Variants in DRC10 observed in about 807,000 individuals in gnomAD.
DRC10 encodes IQ domain-containing protein D.
the DRC10 span, among the ~76,000 whole-genome samples, chr12:113,202,256 G>C: frequency 6.6e-6 from 1 of 151,860 alleles, no homozygotes; most frequent in Non-Finnish European, 1.5e-5. Context: ...GGAGGAGCCA[G>C]ACCCCTCAAG....
chr12:113,207,915 C>A, the DRC10 span: 1 of 1,614,186 alleles, frequency 6.2e-7, no homozygotes, highest in South Asian at 1.1e-5. Flanking sequence ...TGACGTCCTC[C>A]CCCAGCATCC....
the DRC10 span, chr12:113,195,724 C>G: frequency 1.2e-5 from 20 of 1,613,808 alleles, no homozygotes; most frequent in Non-Finnish European, 1.7e-5. Flanking sequence ...GCCGCCCGTA[C>G]CATGCGCACC....
the DRC10 span, among the ~76,000 whole-genome samples, chr12:113,199,643 A>C: frequency 6.6e-6 from 1 of 152,144 alleles, no homozygotes; most frequent in Non-Finnish European, 1.5e-5. Flanking sequence ...TTTACAAGGA[A>C]AGAGATTTGG....
the DRC10 span, chr12:113,207,796 T>G: frequency 6.2e-7 from 1 of 1,614,124 alleles, no homozygotes; most frequent in Non-Finnish European, 8.5e-7. Flanking sequence ...GAGCCACCCT[T>G]CCTCCTCAGC....
the DRC10 span, chr12:113,200,029 G>T: frequency 4.1e-6 from 1 of 242,712 alleles, no homozygotes; most frequent in South Asian, 4.3e-5. Flanking sequence ...GGGATTACAG[G>T]CATGAGCCAC....
chr12:113,210,626 A>G, the DRC10 span, among the ~76,000 whole-genome samples: 1 of 151,534 alleles, frequency 6.6e-6, no homozygotes, highest in Admixed American at 6.6e-5. Context: ...AAAAAAAAAA[A>G]AAGAACACCT....
At chr12:113,216,424 T>C in the DRC10 span, among the ~76,000 whole-genome samples, 1 of 152,090 alleles carries the variant, frequency 6.6e-6, no homozygotes, top group East Asian at 1.9e-4. Flanking sequence ...GCAGTGAAAA[T>C]ACTATGTACC....
the DRC10 span, chr12:113,200,877 G>A: frequency 5.6e-3 from 7,133 of 1,269,920 alleles, 35 homozygotes; most frequent in Middle Eastern, 8.7e-3. Context: ...AGTGGCTCAC[G>A]CCTGTAATCC....
the DRC10 span, chr12:113,197,600 CTTTATATTTCTTCT>C: frequency 6.5e-7 from 1 of 1,528,028 alleles, no homozygotes; most frequent in South Asian, 1.2e-5. Context: ...TCCGTTTCCA[CTTTATATTTCTTCT>C]AGAAAAGATC....
chr12:113,217,633 G>A, the DRC10 span, among the ~76,000 whole-genome samples: 3 of 152,216 alleles, frequency 2.0e-5, no homozygotes, highest in Non-Finnish European at 2.9e-5. Context: ...CCTGGTTCAA[G>A]CAATTCTCGT....
At chr12:113,214,425 G>A in the DRC10 span, among the ~76,000 whole-genome samples, 1 of 144,052 alleles carries the variant, frequency 6.9e-6, no homozygotes, top group African/African-American at 2.6e-5. Context: ...AGAATCACTT[G>A]AACCAGGGAA....
chr12:113,206,507 C>A, the DRC10 span, among the ~76,000 whole-genome samples: 1 of 152,082 alleles, frequency 6.6e-6, no homozygotes, highest in Non-Finnish European at 1.5e-5. Context: ...CTGGACACAG[C>A]AGTAGGGTGG....
chr12:113,218,279 G>A, the DRC10 span, among the ~76,000 whole-genome samples: 2 of 152,038 alleles, frequency 1.3e-5, no homozygotes, highest in Admixed American at 6.6e-5. Context: ...TGGGATTACA[G>A]GCATGCGCCA....
the DRC10 span, among the ~76,000 whole-genome samples, chr12:113,212,009 G>A: frequency 6.6e-6 from 1 of 151,884 alleles, no homozygotes; most frequent in African/African-American, 2.4e-5. Flanking sequence ...AGGCTACAGT[G>A]AGCCATGATC....
At chr12:113,198,910 G>A in the DRC10 span, among the ~76,000 whole-genome samples, 1 of 151,850 alleles carries the variant, frequency 6.6e-6, no homozygotes. Flanking sequence ...GGGCAACAGA[G>A]CAAAACCCTG....
At chr12:113,220,037 G>A in the DRC10 span, among the ~76,000 whole-genome samples, 2 of 152,076 alleles carry the variant, frequency 1.3e-5, no homozygotes, top group African/African-American at 4.8e-5. Context: ...CAAACTCCTG[G>A]CCTCAGGTGA....
the DRC10 span, among the ~76,000 whole-genome samples, chr12:113,213,268 G>A: frequency 6.6e-6 from 1 of 151,342 alleles, no homozygotes; most frequent in Non-Finnish European, 1.5e-5. Flanking sequence ...TCTTAATTTA[G>A]GTTCGGGTTA....
chr12:113,206,593 C>T, the DRC10 span, among the ~76,000 whole-genome samples: 1 of 151,998 alleles, frequency 6.6e-6, no homozygotes, highest in African/African-American at 2.4e-5. Flanking sequence ...CAAGCAGCAC[C>T]CTTTCTGCAG....
chr12:113,210,728 C>T, the DRC10 span, among the ~76,000 whole-genome samples: 3 of 148,216 alleles, frequency 2.0e-5, no homozygotes, highest in African/African-American at 7.4e-5. Context: ...TCTTCTTCAT[C>T]TCTTCCCCCT....
Sources: gnomAD v4.1 joint callset for allele counts (sites outside exome capture counted in the v4.1 genomes callset) on GRCh38, gnomAD v4.1.1 for gene constraint, MANE v1.5 for transcripts, NCBI Gene and HGNC (gene_info 2026-07-23, HGNC 2026-07-21) for gene names.